The following ERN2 variants were observed in gnomAD, a reference collection of about 807,000 sequenced individuals.
ERN2 encodes the protein serine/threonine-protein kinase/endoribonuclease IRE2.
A neutral mutation model predicts 107.9 loss-of-function variants in ERN2; 111 were observed. The observed-to-expected ratio is 1.03, with a 90% CI of 0.88 to 1.20. The LOEUF is 1.20. ERN2 is among the 50% of genes most tolerant of loss of function. ERN2 has a pLI of 0.00. For missense variants in ERN2, 1,225 were observed against 1,197.9 expected, an observed-to-expected ratio of 1.02 and a Z score of -0.33; for synonymous variants, 524 against 501.7, an observed-to-expected ratio of 1.04 and a Z score of -0.59.
chr16:23,704,792 T>A, intron 8 of ERN2, 91 bp downstream of exon 8: 1 of 1,359,858 alleles, frequency 7.4e-7, no homozygotes, highest in South Asian at 1.3e-5. Context: ...GGTACTGGTG[T>A]GTCACAGCTG....
In ERN2 at chr16:23,700,465, A is replaced by T. The variant is rs746029357; in HGVS notation, c.1525+74T>A. On this transcript the variant is annotated intron_variant, in intron 13 of 21. Transcript: ENST00000256797. ...ACCCCACTATAGTGGCTTTTAATAA[A>T]CCAGCTTTGCAGCTAAATCTGCCCC... The T allele has an allele frequency of 4.5e-4, 669 of 1,484,606 alleles. 4 individuals are homozygous for T. The highest frequency in any genetic ancestry group is 1.8e-4 in the Middle Eastern group (1 of 5,588). 92.0% of individuals were successfully genotyped at this position (1,484,606 alleles called of 1,614,324 possible).
chr16:23,700,201 G>A (rs1287991023), intron 13 of ERN2, among the ~76,000 whole-genome samples: 1 of 152,158 alleles, frequency 6.6e-6, no homozygotes, highest in Non-Finnish European at 1.5e-5. Flanking sequence ...GCTGGGCATG[G>A]TGGTTTATGC....
chr16:23,707,641 G>T (rs1157739729), intron 4 of ERN2, among the ~76,000 whole-genome samples: 2 of 152,184 alleles, frequency 1.3e-5, no homozygotes, highest in Non-Finnish European at 2.9e-5. Flanking sequence ...CTTAAGTCCA[G>T]GAGTTCAAGG....
At chr16:23,706,532 C>G in intron 6 of ERN2, 101 bp from the exon 7 acceptor site, 2 of 906,674 alleles carry the variant, frequency 2.2e-6, no homozygotes, top group African/African-American at 1.7e-5. Context: ...CCTGAGCACA[C>G]AGCCTAGAGA....
At position 23,700,998 on chromosome 16, in the gene ERN2, A is replaced by G; in HGVS notation, c.1320T>C (p.Ala440=). The change falls in exon 12 of 22, where the codon GCT becomes GCC. Residue 440 remains alanine, a synonymous_variant. Transcript: ENST00000256797. ...AGAGAATCCACCCTCCCAGGAGGAC[A>G]GCAGTGAGGCTAGCTGCCAGCAGGT... The part of the protein sequence containing the change: ...PQDLLAASLT[A]VLLGGWILFV... 6.2e-7 allele frequency: 1 copy of G among 1,614,214 alleles called. No individual in the cohort carries two copies. Among genetic ancestry groups the G allele is most frequent in the Non-Finnish European group, 8.5e-7 (1 of 1,180,022 alleles).
rs1486819047 is a variant in ERN2, at chr16:23,706,795, G to A, written c.446C>T (p.Thr149Ile). ...GAGGCGGGGGGTGGAGGGACCCTCTGTGGTCAGTGTCATCTGGGTCTCCCC... is the reference window on the plus strand; with the variant it reads ...GAGGCGGGGGGTGGAGGGACCCTCTATGGTCAGTGTCATCTGGGTCTCCCC... The part of the protein sequence containing the change: ...ESGETQMTLT[T>I]EGPSTPRLYI... Residue 149 changes from threonine to isoleucine, a missense_variant, in exon 6 of 22, where the codon ACA becomes ATA. Thr to Ile is a moderately conservative substitution (Grantham distance 89). Transcript: ENST00000256797. 1.9e-6 allele frequency: 3 copies of A among 1,612,650 alleles called. No individual in the cohort carries two copies. The highest frequency in any genetic ancestry group is 2.5e-6 in the Non-Finnish European group (3 of 1,179,542).
Position 23,692,311 on chromosome 16 carries a change from GA to G in ERN2, c.2120del (p.Phe707SerfsTer56). ...CGTAGTAGAACACGCAGCCTGCAGA[GA>G]AGATGTCCACAGCGCTGGTCTGGAG... is the stretch of plus-strand genomic sequence containing the variant. Reference protein sequence around the residue: ...PDSPTSAVDIFSAGCVFYYVL... With the variant: ...PDSPTSAVDIXSAGCVFYYVL... On this transcript the variant is annotated frameshift_variant, in exon 18 of 22. Coordinates refer to ENST00000256797, the MANE Select transcript of ERN2 (RefSeq NM_033266.4). LOFTEE classifies it high-confidence loss of function. The G allele has an allele frequency of 6.2e-7, 1 of 1,613,416 alleles. No homozygotes were observed. Among genetic ancestry groups the G allele is most frequent in the East Asian group, 2.2e-5 (1 of 44,882 alleles).
At chr16:23,708,288 G>T (rs1429979093) in intron 4 of ERN2, among the ~76,000 whole-genome samples, 3 of 151,468 alleles carry the variant, frequency 2.0e-5, no homozygotes, top group Non-Finnish European at 4.4e-5. Context: ...AATGTTAGAG[G>T]TAGGGCCTGG....
chr16:23,706,272 G>T, intron 7 of ERN2, 58 bp downstream of exon 7: 1 of 1,225,520 alleles, frequency 8.2e-7, no homozygotes, highest in South Asian at 1.6e-5. Context: ...ATGCTGTTCA[G>T]GGTTCCCTGG....
In ERN2 at chr16:23,694,845, G is replaced by A. The variant is rs1308123922; in HGVS notation, c.1983C>T (p.Phe661=). ...QGLGRVVLSD[F]GLCKKLPAGR... is the part of the protein sequence containing the mutation. ...CAGCAGGCAGCTTCTTGCAGAGGCC[G>A]AAGTCTGAGAGCACCACTCTGCCCA... Residue 661 remains phenylalanine (F), a synonymous_variant, in exon 17 of 22, where the codon TTC becomes TTT. Transcript: ENST00000256797. 4 of 1,614,182 alleles carry A rather than the reference G, an allele frequency of 2.5e-6. No individual in the cohort carries two copies. Among genetic ancestry groups the A allele is most frequent in the Admixed American group, 1.7e-5 (1 of 60,030 alleles).
chr16:23,693,647 C>T (rs1228522105), intron 17 of ERN2, among the ~76,000 whole-genome samples: 1 of 151,904 alleles, frequency 6.6e-6, no homozygotes, highest in Admixed American at 6.6e-5. Flanking sequence ...ACTGTATAGT[C>T]TCATGACATC....
At position 23,691,129 on chromosome 16, in the gene ERN2, C is replaced by G. The variant is rs149267401; in HGVS notation, c.2568G>C (p.Lys856Asn). 3.2e-4 allele frequency: 521 copies of G among 1,614,034 alleles called. 1 individual carries two copies. Among genetic ancestry groups the G allele is most frequent in the Non-Finnish European group, 4.2e-4 (495 of 1,179,976 alleles). The change falls in exon 21 of 22, where the codon AAG (lysine) becomes AAC (asparagine). Residue 856 changes from lysine to asparagine, a missense_variant and splice_region_variant. Coordinates refer to ENST00000256797, the MANE Select transcript of ERN2 (RefSeq NM_033266.4). ...VRDLLRAVRN[K>N]KHHYRELPVE... is the part of the protein sequence containing the mutation. ...GGCCCACCCAGGCCCCAACACATACCTTGTTCCTCACAGCACGGAGCAGGT... is the reference window on the plus strand; with the variant it reads ...GGCCCACCCAGGCCCCAACACATACGTTGTTCCTCACAGCACGGAGCAGGT...
In ERN2 at chr16:23,690,841, G is replaced by A. The variant is rs1168535108; in HGVS notation, c.2771C>T (p.Thr924Ile). 6.2e-7 allele frequency: 1 copy of A among 1,611,162 alleles called. No individual in the cohort carries two copies. Among genetic ancestry groups the A allele is most frequent in the South Asian group, 1.1e-5 (1 of 91,050 alleles). ...GGCATCCAGCCCACCTCACCTCCCTGTGGCCCCAGGGCATGGCCTCCTGGC... is the reference window on the plus strand; with the variant it reads ...GGCATCCAGCCCACCTCACCTCCCTATGGCCCCAGGGCATGGCCTCCTGGC... ...SEARRPCPGATGR is the reference protein window; with the variant it reads ...SEARRPCPGAIGR The change falls in exon 22 of 22, where the codon ACA becomes ATA. Residue 924 changes from threonine (T) to isoleucine (I), a missense_variant. Transcript: ENST00000256797.
intron 7 of ERN2, 136 bp from the exon 8 acceptor site, chr16:23,705,283 G>A: frequency 1.0e-6 from 1 of 958,580 alleles, no homozygotes; most frequent in South Asian, 1.7e-5. Flanking sequence ...AATGTTTGTT[G>A]GAGTTCATGG....
chr16:23,708,279 A>G (rs953457924), intron 4 of ERN2, among the ~76,000 whole-genome samples: 2 of 150,506 alleles, frequency 1.3e-5, no homozygotes, highest in Non-Finnish European at 2.9e-5. Flanking sequence ...GCAATCCCCA[A>G]TGTTAGAGGT....
At position 23,710,979 on chromosome 16, in the gene ERN2, T is replaced by C. The variant is rs757174767; in HGVS notation, c.133A>G (p.Thr45Ala). The change falls in exon 2 of 22, where the codon ACC (threonine) becomes GCC (alanine). Residue 45 changes from threonine to alanine, a missense_variant. Physicochemically the swap from Thr to Ala is moderately conservative, Grantham distance 58. Transcript: ENST00000256797. ...LRPENLLLVS[T>A]LDGSLHALSK... The stretch of plus-strand genomic sequence containing the variant: ...AGTGCGTGGAGACTTCCATCCAAGG[T>C]GGACACCAGCAGGAGGTTCTCTGGC... 1.2e-5 allele frequency: 19 copies of C among 1,613,988 alleles called. No individual in the cohort carries two copies. Among genetic ancestry groups the C allele is most frequent in the Non-Finnish European group, 1.6e-5 (19 of 1,179,978 alleles).
rs757448336 is a variant in ERN2, at chr16:23,707,022, C to T, written c.364G>A (p.Gly122Arg). The change falls in exon 5 of 22, where the codon GGG (glycine) becomes AGG (arginine). Residue 122 changes from glycine to arginine, a missense_variant. Gly to Arg is a moderately radical substitution (Grantham distance 125). Coordinates refer to ENST00000256797, the MANE Select transcript of ERN2 (RefSeq NM_033266.4). ...VHASPCRSSD[G>R]VFYTGRKQDA... ...AGATGCTCACCTGTGTAGAAGACCC[C>T]ATCAGAGCTGCGGCAGGGAGAGGCA... The T allele has an allele frequency of 6.2e-7, 1 of 1,614,056 alleles. No individual in the cohort carries two copies. Among genetic ancestry groups the T allele is most frequent in the Non-Finnish European group, 8.5e-7 (1 of 1,179,932 alleles).
chr16:23,694,186 G>C lies in ERN2; in HGVS notation c.2100+542C>G, dbSNP rs1328164235. On this transcript the variant is annotated intron_variant, in intron 17 of 21. Transcript: ENST00000256797. ...AATTGTGTGTGCTTTTGGTAGAGAC[G>C]AGGTCTCCCTAGGTTACCCAGGCTG... Among the ~76,000 whole-genome samples, 4 of 152,028 alleles carry C rather than the reference G, an allele frequency of 2.6e-5. No homozygotes were observed. The East Asian group carries it at 7.7e-4, about 29-fold the overall frequency.
intron 13 of ERN2, chr16:23,697,433 G>A (rs1272736268): frequency 6.6e-6 from 1 of 152,134 alleles, no homozygotes; most frequent in African/African-American, 2.4e-5. Flanking sequence ...GGACAGAGCT[G>A]CTTGAACAAA....
Sources: allele counts gnomAD v4.1 joint callset (sites outside exome capture counted in the v4.1 genomes callset), GRCh38; gene constraint gnomAD v4.1.1; transcripts MANE v1.5; gene names NCBI Gene and HGNC (gene_info 2026-07-23, HGNC 2026-07-21).